The following TG variants were observed in gnomAD, a reference collection of about 807,000 sequenced individuals.
The protein encoded by TG is thyroid hormones.
TG carries 270 observed loss-of-function variants against 324.7 expected under a neutral mutation model. The ratio of observed to expected loss-of-function variants is 0.83; its 90% CI spans 0.75 to 0.92. The LOEUF is 0.92. TG is among the 40% of genes least tolerant of loss of function. The pLI is 0.00. For missense variants in TG, 3,591 were observed against 3,456.4 expected, an observed-to-expected ratio of 1.04 and a Z score of -0.98; for synonymous variants, 1,401 against 1,327.0, an observed-to-expected ratio of 1.06 and a Z score of -1.21.
intron 34 of TG, among the ~76,000 whole-genome samples, chr8:132,976,350 A>T (rs1052251403): frequency 1.3e-5 from 2 of 152,230 alleles, no homozygotes; most frequent in African/African-American, 4.8e-5. Context: ...AGGGGACCAA[A>T]CTTGCCATTT....
Position 132,891,924 on chromosome 8 carries a change from G to A in TG, c.2762-1766G>A, listed in dbSNP as rs373671575. On this transcript the variant is annotated intron_variant, in intron 10 of 47. Transcript: ENST00000220616. ...GTTTGAAGTAAATTTGGCGAGGGTG[G>A]ATTTTGCTAAGTGACACTGCCAAGG... Among the ~76,000 whole-genome samples the A allele has an allele frequency of 1.8e-4, 27 of 152,276 alleles. No individual in the cohort carries two copies. The East Asian group carries it at 3.1e-3, about 17-fold the overall frequency.
chr8:133,131,544 G>A (rs923119213), intron 45 of TG, among the ~76,000 whole-genome samples: 27 of 152,132 alleles, frequency 1.8e-4, no homozygotes, highest in African/African-American at 5.8e-4. Flanking sequence ...GAGGTTTCTC[G>A]CAGGCATTAT....
At position 132,971,839 on chromosome 8, in the gene TG, TG is replaced by T; in HGVS notation, c.6023del (p.Gly2008AlafsTer5). The T allele has an allele frequency of 6.2e-7, 1 of 1,613,862 alleles. No individual in the cohort carries two copies. The highest frequency in any genetic ancestry group is 8.5e-7 in the Non-Finnish European group (1 of 1,179,762). On this transcript the variant is annotated frameshift_variant, in exon 33 of 48. Transcript: ENST00000220616. LOFTEE classifies it high-confidence loss of function. ...RRCDADPCCT[G>X]FGFLNVSQLK... ...GGTGCGATGCGGACCCATGCTGCACTGGCTTTGGATTTCTAAATGTTTCCCA... is the reference window on the plus strand; with the variant it reads ...GGTGCGATGCGGACCCATGCTGCACTGCTTTGGATTTCTAAATGTTTCCCA...
intron 33 of TG, 23 bp downstream of exon 33, chr8:132,971,896 C>T: frequency 6.7e-7 from 1 of 1,481,750 alleles, no homozygotes; most frequent in East Asian, 2.3e-5. Context: ...ACAACTTCCT[C>T]TCCCCTGCGC....
Position 132,897,804 on chromosome 8 carries a change from C to G in TG, c.3139+18C>G, listed in dbSNP as rs999036348. ...TGGGACTGGTAAGGAGGGATAGGCA[C>G]CTTCAGGTGGCCAAGTGACACCCCT... On this transcript the variant is annotated intron_variant, in intron 12 of 47. Transcript: ENST00000220616. 4 of 1,613,918 alleles carry G rather than the reference C, an allele frequency of 2.5e-6. No homozygotes were observed. The South Asian group carries it at 4.4e-5, about 18-fold the overall frequency.
intron 3 of TG, 134 bp from the exon 4 acceptor site, chr8:132,871,214 A>T: frequency 2.3e-6 from 2 of 883,114 alleles, no homozygotes; most frequent in Non-Finnish European, 3.7e-6. Flanking sequence ...CTGCCACCCC[A>T]TCACTGCGTG....
chr8:132,967,960 C>T lies in TG; in HGVS notation c.5853C>T (p.Phe1951=). The change falls in exon 31 of 48, where the codon TTC becomes TTT. Residue 1951 remains phenylalanine (F), a synonymous_variant. Coordinates refer to ENST00000220616, the MANE Select transcript of TG (RefSeq NM_003235.5). ...TGCCTCAGATGCCAAAGGCCCTGTT[C>T]CGGAAGAAAGGTGAGCACTTGGAGA... ...LILPQMPKAL[F]RKKVILEDKV... The T allele has an allele frequency of 6.2e-7, 1 of 1,613,556 alleles. No homozygotes were observed. The highest frequency in any genetic ancestry group is 8.5e-7 in the Non-Finnish European group (1 of 1,179,786).
At chr8:132,902,833 G>A (rs1818120049) in intron 16 of TG, among the ~76,000 whole-genome samples, 1 of 152,206 alleles carries the variant, frequency 6.6e-6, no homozygotes, top group South Asian at 2.1e-4. Context: ...AAGACTGTAT[G>A]TGGCTTGGCC....
chr8:132,914,226 A>C (rs1254488875), intron 20 of TG, among the ~76,000 whole-genome samples: 1 of 152,218 alleles, frequency 6.6e-6, no homozygotes, highest in Non-Finnish European at 1.5e-5. Flanking sequence ...TGGGATATGG[A>C]TATCTTTGGG....
chr8:133,121,926 C>A (rs549521516), intron 45 of TG, among the ~76,000 whole-genome samples: 2 of 152,056 alleles, frequency 1.3e-5, no homozygotes, highest in Non-Finnish European at 2.9e-5. Flanking sequence ...TGATTTTTGG[C>A]AAGTTTATCT....
chr8:132,987,164 T>C (rs1266155980), intron 35 of TG, among the ~76,000 whole-genome samples: 1 of 152,152 alleles, frequency 6.6e-6, no homozygotes, highest in Admixed American at 6.5e-5. Context: ...TCACAGTGCT[T>C]GTAAGTGTCT....
intron 11 of TG, among the ~76,000 whole-genome samples, chr8:132,895,344 C>A (rs1218070526): frequency 6.6e-6 from 1 of 152,242 alleles, no homozygotes; most frequent in Non-Finnish European, 1.5e-5. Context: ...GCCTTCCCAT[C>A]CACGCCAGCA....
Position 133,095,082 on chromosome 8 carries a change from T to C in TG, c.7278T>C (p.His2426=). The part of the protein sequence containing the change: ...SALSPAAVIS[H]ERAQQQAIAL... ...TCTCCCCGGCCGCCGTCATCAGCCA[T>C]GAGAGGGCTCAGCAGCAGGCAATTG... is the stretch of plus-strand genomic sequence containing the variant. Residue 2426 remains histidine, a synonymous_variant, in exon 42 of 48, where the codon CAT becomes CAC. Transcript: ENST00000220616. The C allele has an allele frequency of 1.2e-6, 2 of 1,614,138 alleles. No homozygotes were observed. Among genetic ancestry groups the C allele is most frequent in the Non-Finnish European group, 1.7e-6 (2 of 1,180,036 alleles).
chr8:133,116,115 G>C (rs2979045), intron 44 of TG, among the ~76,000 whole-genome samples: 151,859 of 152,224 alleles, frequency 1, 75,771 homozygotes, highest in Middle Eastern at 1. Context: ...GCAAAATCTC[G>C]CCTGCTGAGA....
At chr8:133,073,075 T>C (rs958834281) in intron 41 of TG, 1 of 152,246 alleles carries the variant, frequency 6.6e-6, no homozygotes, top group Non-Finnish European at 1.5e-5. Context: ...GTAAACTTCT[T>C]TCAAACATAC....
Position 132,888,490 on chromosome 8 carries a change from CT to C in TG, c.2685del (p.Arg896GlyfsTer70). On this transcript the variant is annotated frameshift_variant, in exon 10 of 48. Transcript: ENST00000220616. LOFTEE classifies it high-confidence loss of function. ...DFSTPLAHFD[L>X]RNCWCVDEAG... Reference sequence around the variant, plus strand: ...CAGCACTCCTTTGGCACATTTTGATCTTCGGAACTGCTGGTGTGTGGATGAG... The same window carrying C: ...CAGCACTCCTTTGGCACATTTTGATCTCGGAACTGCTGGTGTGTGGATGAG... The C allele has an allele frequency of 6.2e-7, 1 of 1,609,874 alleles. No individual in the cohort carries two copies. The highest frequency in any genetic ancestry group is 8.5e-7 in the Non-Finnish European group (1 of 1,178,100).
chr8:132,879,481 G>A (rs1321104995), intron 5 of TG, among the ~76,000 whole-genome samples: 1 of 152,188 alleles, frequency 6.6e-6, no homozygotes, highest in East Asian at 1.9e-4. Flanking sequence ...AATATGGAGA[G>A]TGTTTGGTCT....
intron 28 of TG, among the ~76,000 whole-genome samples, chr8:132,962,126 A>C (rs2130359759): frequency 6.6e-6 from 1 of 152,294 alleles, no homozygotes; most frequent in Admixed American, 6.5e-5. Context: ...GTGAAGAAGG[A>C]AGGCAGAAGA....
intron 29 of TG, among the ~76,000 whole-genome samples, chr8:132,965,322 A>G (rs1159228714): frequency 1.3e-5 from 2 of 152,176 alleles, no homozygotes; most frequent in African/African-American, 2.4e-5. Context: ...CCAAGTACTC[A>G]TAAAGCCTTT....
Sources: allele counts gnomAD v4.1 joint callset (sites outside exome capture counted in the v4.1 genomes callset), GRCh38; gene constraint gnomAD v4.1.1; transcripts MANE v1.5; gene names NCBI Gene and HGNC (gene_info 2026-07-23, HGNC 2026-07-21).